Variants in WNT9A observed in about 807,000 individuals in gnomAD.
WNT9A encodes protein Wnt-9a.
In WNT9A, 8 loss-of-function variants were observed where a neutral mutation model predicts 31.4. The ratio of observed to expected loss-of-function variants is 0.26; its 90% CI spans 0.15 to 0.46. The LOEUF (loss-of-function observed/expected upper bound fraction) is 0.46. Ranked by LOEUF, WNT9A falls within the 20% of genes least tolerant of loss-of-function variation. The probability of loss-of-function intolerance (pLI) is 0.99; values close to 1 mark genes in which losing one functional copy is unlikely to be tolerated. For missense variants in WNT9A, 457 were observed against 522.9 expected (o/e 0.87, Z 1.23); for synonymous variants, 236 against 220.1 (o/e 1.07, Z -0.64).
At chr1:227,937,980 C>A (rs983674300) in intron 1 of WNT9A, among the ~76,000 whole-genome samples, 5 of 152,196 alleles carry the variant, frequency 3.3e-5, no homozygotes, top group Non-Finnish European at 7.3e-5. Flanking sequence ...TCAGCGCACA[C>A]GTGGTGGCTG....
rs1433764511 is a variant in WNT9A, at chr1:227,925,289, C to T, written c.326G>A (p.Arg109His). The T allele has an allele frequency of 6.4e-6, 10 of 1,571,244 alleles. No homozygotes were observed. Among genetic ancestry groups the T allele is most frequent in the East Asian group, 2.4e-5 (1 of 42,318 alleles). The change falls in exon 2 of 4, where the codon CGC becomes CAC. Residue 109 changes from arginine to histidine, a missense_variant. Transcript: ENST00000272164. This position sits in a 1 kb window ranked among gnomAD's most constrained non-coding sequence, Gnocchi z 6.0. ...FERWNCTLEG[R>H]YRASLLKRGF... ...TCGCTTGAGCAGGCTGGCCCGGTAG[C>T]GGCCCTCCAGCGTGCAGTTCCAGCG...
In WNT9A at chr1:227,942,324, T is replaced by TG. The variant is rs1459656557; in HGVS notation, c.95+5468dup. ...CCAAGCAGGTGGGGCAGGGAGAGGC[T>TG]GGGGGTTCCAAGGCCCCTGGGTGCA... is the stretch of plus-strand genomic sequence containing the variant. On this transcript the variant is annotated intron_variant, in intron 1 of 3. Coordinates refer to ENST00000272164, the MANE Select transcript of WNT9A (RefSeq NM_003395.4). This position sits in a 1 kb window ranked among gnomAD's most constrained non-coding sequence, Gnocchi z 5.7. 1.3e-5 allele frequency among the ~76,000 whole-genome samples: 2 copies of TG among 152,086 alleles called. No individual in the cohort carries two copies. Among genetic ancestry groups the TG allele is most frequent in the Non-Finnish European group, 2.9e-5 (2 of 67,988 alleles).
At chr1:227,934,137 C>A (rs632832) in intron 1 of WNT9A, among the ~76,000 whole-genome samples, 81,697 of 152,004 alleles carry the variant, frequency 0.54, 22,240 homozygotes, top group African/African-American at 0.63. Context: ...TTCATACCTG[C>A]TGCCATTATG....
chr1:227,938,489 CCA>C (rs761520053), intron 1 of WNT9A, among the ~76,000 whole-genome samples: 2 of 151,502 alleles, frequency 1.3e-5, no homozygotes, highest in African/African-American at 2.4e-5. Context: ...ACGAACACAC[CCA>C]CACACACAGA....
intron 1 of WNT9A, among the ~76,000 whole-genome samples, chr1:227,938,635 CCAAACA>C (rs1441820670): frequency 2.0e-5 from 3 of 152,148 alleles, no homozygotes; most frequent in African/African-American, 7.2e-5. Context: ...ACATGTCCAT[CCAAACA>C]CAAACACACA....
intron 1 of WNT9A, among the ~76,000 whole-genome samples, chr1:227,934,168 T>C (rs1316080584): frequency 6.6e-6 from 1 of 152,192 alleles, no homozygotes; most frequent in Non-Finnish European, 1.5e-5. Context: ...CATGTGTTTG[T>C]GTGGACATAT....
At position 227,919,355 on chromosome 1, in the gene WNT9A, G is replaced by T. The variant is rs577584864; in HGVS notation, c.*2163C>A. 1 of 152,370 alleles carries T rather than the reference G, an allele frequency of 6.6e-6. No homozygotes were observed. The highest frequency in any genetic ancestry group is 1.9e-4 in the East Asian group (1 of 5,182). The allele number at this position is 152,370 out of a possible 1,614,324, so 9.4% of individuals were successfully genotyped here. Reference sequence around the variant, plus strand: ...GTCTTGCACCCACACTGTGGTACGGGGATGCAGCTGCAGGCACATGTCGGG... The same window carrying T: ...GTCTTGCACCCACACTGTGGTACGGTGATGCAGCTGCAGGCACATGTCGGG... On this transcript the variant is annotated 3_prime_UTR_variant, in exon 4 of 4. Transcript: ENST00000272164.
chr1:227,936,634 C>CT (rs35945819), intron 1 of WNT9A, among the ~76,000 whole-genome samples: 109 of 148,500 alleles, frequency 7.3e-4, no homozygotes, highest in Middle Eastern at 3.4e-3. Flanking sequence ...TGCACCCAGT[C>CT]TTTTTTTTTT....
chr1:227,924,617 C>A (rs866425379), intron 2 of WNT9A, among the ~76,000 whole-genome samples: 1 of 152,098 alleles, frequency 6.6e-6, no homozygotes, highest in African/African-American at 2.4e-5. Flanking sequence ...GGGGAGAAAC[C>A]AGAGCCCGCC....
chr1:227,938,275 C>T (rs1666628767), intron 1 of WNT9A, among the ~76,000 whole-genome samples: 1 of 143,972 alleles, frequency 6.9e-6, no homozygotes, highest in Non-Finnish European at 1.5e-5. Context: ...CCATACAAAC[C>T]CATAAACCCA....
chr1:227,945,684 C>G (rs1032432556), intron 1 of WNT9A, among the ~76,000 whole-genome samples: 6 of 152,064 alleles, frequency 3.9e-5, no homozygotes, highest in African/African-American at 1.4e-4. Flanking sequence ...GCCACCCCAG[C>G]CCCCCTCCAG....
intron 1 of WNT9A, 37 bp downstream of exon 1, chr1:227,947,756 C>A: frequency 9.5e-7 from 1 of 1,056,532 alleles, no homozygotes; most frequent in Non-Finnish European, 1.1e-6. Context: ...CCGCCGCCCC[C>A]GCCCACCAGT....
chr1:227,931,625 CAT>C (rs1666511642), intron 1 of WNT9A, among the ~76,000 whole-genome samples: 1 of 152,196 alleles, frequency 6.6e-6, no homozygotes, highest in Admixed American at 6.5e-5. Flanking sequence ...AAGCAAATCA[CAT>C]GAGTTTTTTT....
At chr1:227,933,834 C>T (rs1252545252) in intron 1 of WNT9A, among the ~76,000 whole-genome samples, 2 of 150,260 alleles carry the variant, frequency 1.3e-5, no homozygotes, top group Admixed American at 6.6e-5. Context: ...GGGCAACAAT[C>T]ACCACAGTCA....
intron 1 of WNT9A, among the ~76,000 whole-genome samples, chr1:227,933,596 A>G (rs2102724499): frequency 1.3e-5 from 2 of 152,270 alleles, no homozygotes; most frequent in South Asian, 4.2e-4. Context: ...CTTCACTTTA[A>G]AGTGAGGGAC....
Position 227,925,455 on chromosome 1 carries a change from C to T in WNT9A, c.160G>A (p.Ala54Thr), listed in dbSNP as rs1225897430. 1.9e-6 allele frequency: 3 copies of T among 1,579,510 alleles called. No individual in the cohort carries two copies. The highest frequency in any genetic ancestry group is 1.8e-5 in the Admixed American group (1 of 56,798). The change falls in exon 2 of 4, where the codon GCG (alanine) becomes ACG (threonine). Residue 54 changes from alanine to threonine, a missense_variant. By Grantham distance (58) the Ala-to-Thr change is moderately conservative (BLOSUM62 0). Transcript: ENST00000272164. The surrounding 1 kb of genome is among the most constrained non-coding windows in gnomAD (Gnocchi z 6.0). ...AGCCGGTCGCAGGCCTTGTAGTGCG[C>T]CTGGGCAGCCGCCTCTGGCTCCAGG... Reference protein sequence around the residue: ...LTLEPEAAAQAHYKACDRLKL... With the variant: ...LTLEPEAAAQTHYKACDRLKL...
chr1:227,944,266 G>T (rs538936741), intron 1 of WNT9A, among the ~76,000 whole-genome samples: 3 of 152,320 alleles, frequency 2.0e-5, no homozygotes, highest in Admixed American at 6.5e-5. Flanking sequence ...AGCCAGGCGC[G>T]GAGGCCACAC....
chr1:227,923,550 G>C (rs1036793050), intron 3 of WNT9A, among the ~76,000 whole-genome samples: 7 of 152,190 alleles, frequency 4.6e-5, no homozygotes, highest in African/African-American at 7.2e-5. Flanking sequence ...TCAGGAGAGA[G>C]AGTCCTTTTA....
In WNT9A at chr1:227,921,971, G is replaced by A. The variant is rs1335046925; in HGVS notation, c.645C>T (p.Cys215=). ...ATGAGCCTGACACGCCGTGGCACTT[G>A]CAGGTGGTCTCCACCCCAGCCTTGA... The part of the protein sequence containing the change: ...KVIKAGVETT[C]KCHGVSGSCT... Residue 215 remains cysteine, a synonymous_variant, in exon 4 of 4, where the codon TGC becomes TGT. Coordinates refer to ENST00000272164, the MANE Select transcript of WNT9A (RefSeq NM_003395.4). 1 of 1,610,790 alleles carries A rather than the reference G, an allele frequency of 6.2e-7. No homozygotes were observed. The highest frequency in any genetic ancestry group is 1.1e-5 in the South Asian group (1 of 90,968).
Sources: allele counts gnomAD v4.1 joint callset (sites outside exome capture counted in the v4.1 genomes callset), GRCh38; gene constraint gnomAD v4.1.1; non-coding constraint Gnocchi (gnomAD v3.1); transcripts MANE v1.5; gene names NCBI Gene and HGNC (gene_info 2026-07-23, HGNC 2026-07-21).